Variants in OPHN1 observed in about 807,000 individuals in gnomAD.
The protein encoded by OPHN1 is oligophrenin 1, also known as oligophrenin-1.
Under a neutral mutation model 60.7 loss-of-function variants are expected in OPHN1, and 11 were observed. That is an observed-to-expected ratio of 0.18 (90% CI 0.11 to 0.30). The LOEUF (loss-of-function observed/expected upper bound fraction) is 0.30. Among genes scored for constraint, OPHN1 ranks in the 10% least tolerant of loss-of-function variants. The pLI, the probability that OPHN1 is intolerant of heterozygous loss-of-function variation, is 1.00. For missense variants in OPHN1, 449 were observed against 611.0 expected, an observed-to-expected ratio of 0.73 and a Z score of 2.80; for synonymous variants, 226 against 222.6, an observed-to-expected ratio of 1.02 and a Z score of -0.14.
rs368111871 is a variant in OPHN1 at position 68,274,534 on chromosome X, T to C, written c.384+204A>G. Among the ~76,000 whole-genome samples, 4 of 111,365 alleles carry C rather than the reference T, an allele frequency of 3.6e-5. No homozygotes were observed. The East Asian group carries it at 1.1e-3, about 31-fold the overall frequency. ...ACCCACCTCCCCACCCCCTTTGTCA[T>C]GTTAGCTGAGGCTACTATAACAGAA... On this transcript the variant is annotated intron_variant, in intron 5 of 24. Transcript: ENST00000355520.
chrX:68,070,753 C>A, intron 20 of OPHN1: 4 of 1,136,721 alleles, frequency 3.5e-6, no homozygotes, highest in East Asian at 3.0e-5. Flanking sequence ...TCAAATACCC[C>A]CCACAGGACC....
intron 2 of OPHN1, among the ~76,000 whole-genome samples, chrX:68,327,797 TAAAAA>T (rs35324033): frequency 1.5e-5 from 1 of 67,397 alleles, no homozygotes; most frequent in African/African-American, 6.1e-5. Context: ...ATAAAAAAAA[TAAAAA>T]AAAAAAAAAA....
chrX:68,088,539 A>T (rs1210851109), intron 19 of OPHN1, among the ~76,000 whole-genome samples: 3 of 111,545 alleles, frequency 2.7e-5, no homozygotes, highest in Admixed American at 9.6e-5. Flanking sequence ...ACAGCTACTA[A>T]GAAAAGCCTC....
intron 15 of OPHN1, among the ~76,000 whole-genome samples, chrX:68,178,515 T>G (rs112368809): frequency 0.13 from 14,074 of 110,918 alleles, 1,116 homozygotes; most frequent in African/African-American, 0.3. Flanking sequence ...GCAATTCTTG[T>G]GCCTCAGCCT....
At chrX:68,133,824 A>AT (rs559388407) in intron 15 of OPHN1, among the ~76,000 whole-genome samples, 2 of 110,304 alleles carry the variant, frequency 1.8e-5, no homozygotes, top group East Asian at 2.8e-4. Flanking sequence ...GTATAGTGCA[A>AT]TTTTTTTTTG....
At position 68,193,944 on chromosome X, in the gene OPHN1, T is replaced by G. The variant is rs1479154085; in HGVS notation, c.1147A>C (p.Asn383His). 8.3e-7 allele frequency: 1 copy of G among 1,204,454 alleles called. No individual in the cohort carries two copies. Among genetic ancestry groups the G allele is most frequent in the African/African-American group, 1.8e-5 (1 of 57,039 alleles). Reference protein sequence around the residue: ...PITKQQEMELNEVGFKFVRKC... With the variant: ...PITKQQEMELHEVGFKFVRKC... ...CTGACAAACTTGAAGCCCACTTCAT[T>G]TAGCTCCACTGTTTCAAGCAAAGGA... Residue 383 changes from asparagine to histidine, a missense_variant, in exon 14 of 25, where the codon AAT (asparagine) becomes CAT (histidine). Asn to His is a moderately conservative substitution (Grantham distance 68). Around this residue, in one of 4 missense-constraint regions of OPHN1, gnomAD observed 166 missense variants for 278.4 expected, o/e 0.60. Transcript: ENST00000355520.
At chrX:68,372,917 A>AG (rs1285140644) in intron 2 of OPHN1, among the ~76,000 whole-genome samples, 1 of 111,670 alleles carries the variant, frequency 9.0e-6, no homozygotes, top group Non-Finnish European at 1.9e-5. Flanking sequence ...AGGAAGTTTA[A>AG]GAAAAAAAAA....
chrX:68,404,779 G>A (rs147491814), intron 2 of OPHN1, among the ~76,000 whole-genome samples: 2,105 of 112,018 alleles, frequency 0.019, 30 homozygotes, highest in Middle Eastern at 0.037. Flanking sequence ...CACATGCTAC[G>A]TGAAAGAACT....
chrX:68,176,756 C>A (rs756314171), intron 15 of OPHN1, among the ~76,000 whole-genome samples: 1 of 110,789 alleles, frequency 9.0e-6, no homozygotes, highest in Non-Finnish European at 1.9e-5. Context: ...TTGATGATGA[C>A]CTTGAGTAGT....
chrX:68,207,328 T>C (rs2077564168), intron 9 of OPHN1, among the ~76,000 whole-genome samples: 1 of 109,489 alleles, frequency 9.1e-6, no homozygotes, highest in Non-Finnish European at 1.9e-5. Context: ...AGATGGGGTT[T>C]CACCATGTTA....
chrX:68,059,665 A>G (rs1023834451), intron 21 of OPHN1, among the ~76,000 whole-genome samples: 1 of 112,042 alleles, frequency 8.9e-6, no homozygotes, highest in Non-Finnish European at 1.9e-5. Flanking sequence ...CACTCATAAC[A>G]TTAGTCACCT....
chrX:68,429,198 G>A (rs768261240), intron 2 of OPHN1, among the ~76,000 whole-genome samples: 20 of 110,610 alleles, frequency 1.8e-4, no homozygotes, highest in African/African-American at 6.3e-4. Context: ...AAGGGGGGGC[G>A]GACTGCCTGA....
At chrX:68,142,697 T>C (rs1192713600) in intron 15 of OPHN1, among the ~76,000 whole-genome samples, 2 of 112,422 alleles carry the variant, frequency 1.8e-5, no homozygotes, top group African/African-American at 3.2e-5. Flanking sequence ...TGCAACAATA[T>C]TGAGAATATC....
chrX:68,087,729 T>A (rs1157561871), intron 19 of OPHN1, among the ~76,000 whole-genome samples: 1 of 111,955 alleles, frequency 8.9e-6, no homozygotes, highest in Non-Finnish European at 1.9e-5. Context: ...TTGGCCCTGA[T>A]GAATCCCAGC....
At chrX:68,288,269 T>C (rs1180244159) in intron 3 of OPHN1, among the ~76,000 whole-genome samples, 1 of 111,694 alleles carries the variant, frequency 9.0e-6, no homozygotes, top group Non-Finnish European at 1.9e-5. Flanking sequence ...TGGAACTGAC[T>C]TGTTCAAGGT....
chrX:68,238,160 G>A (rs746316861), intron 5 of OPHN1, among the ~76,000 whole-genome samples: 13 of 111,611 alleles, frequency 1.2e-4, no homozygotes, highest in Admixed American at 2.9e-4. Flanking sequence ...GTGATGTTAC[G>A]TAGGAATCCA....
chrX:68,221,117 A>C (rs2147500961), intron 6 of OPHN1, among the ~76,000 whole-genome samples: 1 of 90,961 alleles, frequency 1.1e-5, no homozygotes, highest in East Asian at 3.8e-4. Flanking sequence ...CAAAAATCAC[A>C]AGCATTCTTA....
At chrX:68,144,114 A>G (rs1175890956) in intron 15 of OPHN1, among the ~76,000 whole-genome samples, 2 of 111,009 alleles carry the variant, frequency 1.8e-5, no homozygotes, top group Non-Finnish European at 3.8e-5. Flanking sequence ...TGCTTAAGCA[A>G]TCCTCCCACC....
chrX:68,061,142 G>A lies in OPHN1; in HGVS notation c.2158+2712C>T, dbSNP rs1018546124. Among the ~76,000 whole-genome samples the A allele has an allele frequency of 8.0e-5, 9 of 112,147 alleles. No homozygotes were observed. In the East Asian group the frequency reaches 8.4e-4, roughly 10 times the overall value. On this transcript the variant is annotated intron_variant, in intron 21 of 24. Transcript: ENST00000355520. ...TGGGGTTTTGAAAAAAAGCTGCATC[G>A]TGCCAGCCTGTTGCTAACTGATTGA... is the stretch of plus-strand genomic sequence containing the variant.
Sources: allele counts gnomAD v4.1 joint callset (sites outside exome capture counted in the v4.1 genomes callset), GRCh38; gene constraint gnomAD v4.1.1; regional missense constraint gnomAD v4.1.1; transcripts MANE v1.5; gene names NCBI Gene and HGNC (gene_info 2026-07-23, HGNC 2026-07-21).